Variants in GALNT13 observed in about 807,000 individuals in gnomAD.
GALNT13 encodes the protein UDP-GalNAc:polypeptide N-acetylgalactosaminyltransferase 13.
GALNT13 carries 28 observed loss-of-function variants against 64.2 expected under a neutral mutation model. The ratio of observed to expected loss-of-function variants is 0.44; its 90% CI spans 0.32 to 0.60. The LOEUF (loss-of-function observed/expected upper bound fraction) is 0.60. Ranked by LOEUF, GALNT13 falls within the 20% of genes least tolerant of loss-of-function variation. GALNT13 has a pLI of 0.05. For missense variants in GALNT13, 577 were observed against 669.8 expected, an observed-to-expected ratio of 0.86 and a Z score of 1.53; for synonymous variants, 214 against 224.6, an observed-to-expected ratio of 0.95 and a Z score of 0.42.
rs1172202781 is a variant in GALNT13, at chr2:154,298,870, AC to A, written c.976-2538del. 0.017 allele frequency among the ~76,000 whole-genome samples: 170 copies of A among 10,220 alleles called. 4 individuals are homozygous for A. In the South Asian group the frequency reaches 0.31, roughly 19 times the overall value. 6.7% of individuals were successfully genotyped at this position (10,220 alleles called of 152,430 possible). Reference sequence around the variant, plus strand: ...TATTATTTATATATACATTATATATACATTATATATTATTTATATATACATT... The same window carrying A: ...TATTATTTATATATACATTATATATAATTATATATTATTTATATATACATT... On this transcript the variant is annotated intron_variant, in intron 8 of 12. Transcript: ENST00000392825.
At chr2:153,083,160 C>T in the GALNT13 span, among the ~76,000 whole-genome samples, 15 of 152,262 alleles carry the variant, frequency 9.9e-5, no homozygotes, top group Non-Finnish European at 1.6e-4. Context: ...AATTGTGCTG[C>T]TATAAACATG....
intron 3 of GALNT13, among the ~76,000 whole-genome samples, chr2:153,972,459 TATA>T (rs1693803478): frequency 6.6e-6 from 1 of 152,064 alleles, no homozygotes; most frequent in Non-Finnish European, 1.5e-5. Context: ...TCTATAAAAA[TATA>T]ATACTTTTTT....
rs1458537439 is a variant in GALNT13 at position 154,109,224 on chromosome 2, TAA to T, written c.143-31112_143-31111del. On this transcript the variant is annotated intron_variant, in intron 3 of 12. Transcript: ENST00000392825. ...ATCAATGTCTTTCATCAAAGTATTT[TAA>T]GTTTTAGTATACTGATTTTTCCTCT... Among the ~76,000 whole-genome samples the T allele has an allele frequency of 1.3e-4, 20 of 152,130 alleles. 1 individual carries two copies. The highest frequency in any genetic ancestry group is 2.9e-4 in the Non-Finnish European group (20 of 67,980).
the GALNT13 span, among the ~76,000 whole-genome samples, chr2:153,558,940 T>C: frequency 1.3e-5 from 2 of 152,304 alleles, no homozygotes; most frequent in East Asian, 3.9e-4. Context: ...AAATAAGATA[T>C]GGCAGTTCTT....
chr2:153,733,443 A>T, the GALNT13 span, among the ~76,000 whole-genome samples: 1 of 152,152 alleles, frequency 6.6e-6, no homozygotes, highest in East Asian at 1.9e-4. Flanking sequence ...ATGTAGAATG[A>T]TTTTCTTTGT....
At chr2:153,789,174 C>T in the GALNT13 span, among the ~76,000 whole-genome samples, 2 of 152,100 alleles carry the variant, frequency 1.3e-5, no homozygotes, top group African/African-American at 2.4e-5. Flanking sequence ...ATGACACATA[C>T]TCTAAAATTG....
At chr2:153,476,752 CA>C in the GALNT13 span, among the ~76,000 whole-genome samples, 1 of 152,196 alleles carries the variant, frequency 6.6e-6, no homozygotes, top group South Asian at 2.1e-4. Context: ...AGTAATATCA[CA>C]ACGACAGTAA....
At chr2:153,775,270 T>A in the GALNT13 span, among the ~76,000 whole-genome samples, 1 of 152,158 alleles carries the variant, frequency 6.6e-6, no homozygotes, top group African/African-American at 2.4e-5. Context: ...ACTTAGGGCA[T>A]TCATTTGGAT....
At chr2:154,095,804 G>A (rs76224381) in intron 3 of GALNT13, among the ~76,000 whole-genome samples, 2,718 of 151,840 alleles carry the variant, frequency 0.018, 31 homozygotes, top group Middle Eastern at 0.034. Flanking sequence ...GAATACACTG[G>A]TTTTGATTTT....
the GALNT13 span, among the ~76,000 whole-genome samples, chr2:153,608,213 C>T: frequency 6.6e-6 from 1 of 152,254 alleles, no homozygotes; most frequent in East Asian, 1.9e-4. Context: ...TAAATATCTT[C>T]TAACCAACTG....
chr2:153,806,820 A>C, the GALNT13 span, among the ~76,000 whole-genome samples: 25 of 152,264 alleles, frequency 1.6e-4, no homozygotes, highest in Admixed American at 1.6e-3. Flanking sequence ...AAGGAATAGA[A>C]GGGAACCTGT....
the GALNT13 span, among the ~76,000 whole-genome samples, chr2:153,279,554 G>A: frequency 6.7e-6 from 1 of 150,176 alleles, no homozygotes; most frequent in African/African-American, 2.5e-5. Context: ...AGTTTGCTGA[G>A]GGCTTTTATC....
the GALNT13 span, among the ~76,000 whole-genome samples, chr2:153,406,587 T>A: frequency 6.6e-6 from 1 of 152,032 alleles, no homozygotes; most frequent in South Asian, 2.1e-4. Context: ...TTTGTACTTT[T>A]GATAGAAAGG....
At chr2:153,488,141 A>T in the GALNT13 span, among the ~76,000 whole-genome samples, 1 of 152,192 alleles carries the variant, frequency 6.6e-6, no homozygotes, top group Non-Finnish European at 1.5e-5. Flanking sequence ...CATCCAGAAC[A>T]TGAATATCCT....
intron 2 of GALNT13, among the ~76,000 whole-genome samples, chr2:153,918,327 A>T (rs977853600): frequency 3.9e-5 from 6 of 152,138 alleles, no homozygotes; most frequent in African/African-American, 1.4e-4. Context: ...GATAACATAC[A>T]CCAATCAAAC....
At chr2:154,431,128 A>G (rs369052098) in intron 11 of GALNT13, among the ~76,000 whole-genome samples, 1 of 152,064 alleles carries the variant, frequency 6.6e-6, no homozygotes, top group Admixed American at 6.6e-5. Context: ...ATACATACAC[A>G]CTCACACCCC....
At chr2:153,133,113 G>C in the GALNT13 span, among the ~76,000 whole-genome samples, 4 of 151,530 alleles carry the variant, frequency 2.6e-5, no homozygotes, top group African/African-American at 9.7e-5. Flanking sequence ...TGAAGGATTG[G>C]AGTAAATCCA....
the GALNT13 span, among the ~76,000 whole-genome samples, chr2:153,285,652 A>C: frequency 6.6e-6 from 1 of 152,186 alleles, no homozygotes; most frequent in Admixed American, 6.5e-5. Flanking sequence ...AACAGTATAG[A>C]ATATGTACTG....
the GALNT13 span, among the ~76,000 whole-genome samples, chr2:153,772,897 G>T: frequency 5.6e-4 from 85 of 152,302 alleles, no homozygotes; most frequent in African/African-American, 2.0e-3. Flanking sequence ...TGGCTGGGCT[G>T]CTGCCCCTGC....
Sources: allele counts gnomAD v4.1 joint callset (sites outside exome capture counted in the v4.1 genomes callset), GRCh38; gene constraint gnomAD v4.1.1; transcripts MANE v1.5; gene names NCBI Gene and HGNC (gene_info 2026-07-23, HGNC 2026-07-21).